Variants in UGT1A8 observed in about 807,000 individuals in gnomAD.
The protein encoded by UGT1A8 is UDP-glucuronosyltransferase 1A8.
Under a neutral mutation model 45.3 loss-of-function variants are expected in UGT1A8, and 39 were observed. The ratio of observed to expected loss-of-function variants is 0.86; its 90% confidence interval spans 0.67 to 1.12. The LOEUF is 1.12. Among genes scored for constraint, UGT1A8 ranks in the 50% most tolerant of loss-of-function variants. The pLI is 0.00. For synonymous variants in UGT1A8, 275 were observed against 249.2 expected (o/e 1.10, Z -0.97); for missense variants, 719 against 664.9 (o/e 1.08, Z -0.90).
intron 1 of UGT1A8, among the ~76,000 whole-genome samples, chr2:233,646,152 G>T (rs2073595892): frequency 6.6e-6 from 1 of 152,152 alleles, no homozygotes; most frequent in African/African-American, 2.4e-5. Context: ...GCTGTACTTT[G>T]GCTCCTTTTG....
intron 1 of UGT1A8, among the ~76,000 whole-genome samples, chr2:233,678,266 A>G (rs1195139142): frequency 6.6e-6 from 1 of 152,234 alleles, no homozygotes; most frequent in Admixed American, 6.5e-5. Flanking sequence ...GCATCACACA[A>G]TATACTCAGG....
intron 1 of UGT1A8, among the ~76,000 whole-genome samples, chr2:233,735,969 A>C (rs1327406953): frequency 2.0e-5 from 3 of 152,092 alleles, no homozygotes; most frequent in Admixed American, 2.0e-4. Context: ...AACTTTGGTG[A>C]ATCTGACAAT....
intron 1 of UGT1A8, chr2:233,713,823 G>A (rs2076349507): frequency 1.9e-6 from 3 of 1,613,920 alleles, no homozygotes; most frequent in African/African-American, 1.3e-5. Flanking sequence ...CTTCATTGGG[G>A]GCATCAACTG....
chr2:233,670,499 TTAA>T (rs1468548968), intron 1 of UGT1A8, among the ~76,000 whole-genome samples: 4 of 152,252 alleles, frequency 2.6e-5, no homozygotes, highest in African/African-American at 9.6e-5. Context: ...AAAAGTAGTC[TTAA>T]TAATTGGAAG....
intron 1 of UGT1A8, among the ~76,000 whole-genome samples, chr2:233,624,696 A>G (rs577872614): frequency 5.9e-5 from 9 of 152,080 alleles, no homozygotes; most frequent in African/African-American, 2.2e-4. Flanking sequence ...GGATTTTAGA[A>G]TAAGTTTGTT....
At chr2:233,757,102 G>A (rs1696403036) in intron 1 of UGT1A8, among the ~76,000 whole-genome samples, 2 of 151,258 alleles carry the variant, frequency 1.3e-5, no homozygotes, top group South Asian at 4.2e-4. Context: ...GAGGGAGGGG[G>A]CAAGCAGAAG....
intron 1 of UGT1A8, among the ~76,000 whole-genome samples, chr2:233,668,844 C>A (rs2074127709): frequency 6.6e-6 from 1 of 152,224 alleles, no homozygotes; most frequent in Non-Finnish European, 1.5e-5. Context: ...ATCCAGGATA[C>A]CGCATGACAT....
intron 1 of UGT1A8, among the ~76,000 whole-genome samples, chr2:233,748,498 T>G (rs1180536491): frequency 2.0e-5 from 3 of 151,812 alleles, no homozygotes; most frequent in Non-Finnish European, 4.4e-5. Flanking sequence ...TGTGATAATT[T>G]TTAGTGGTCC....
chr2:233,688,674 T>A (rs942176177), intron 1 of UGT1A8, among the ~76,000 whole-genome samples: 48 of 152,316 alleles, frequency 3.2e-4, no homozygotes, highest in African/African-American at 8.9e-4. Flanking sequence ...GGCTCTTTTT[T>A]AAAAAATTTA....
intron 1 of UGT1A8, chr2:233,744,083 G>T: frequency 2.3e-6 from 1 of 437,754 alleles, no homozygotes; most frequent in South Asian, 2.0e-5. Flanking sequence ...CGCATCCCAA[G>T]ATGCAGTGCT....
At chr2:233,671,700 A>G in intron 1 of UGT1A8, 2 of 552,150 alleles carry the variant, frequency 3.6e-6, no homozygotes, top group Non-Finnish European at 4.6e-6. Flanking sequence ...TCTGCCCCCA[A>G]GGCAAAGACC....
intron 1 of UGT1A8, chr2:233,672,305 G>T (rs1575415892): frequency 3.7e-6 from 6 of 1,613,752 alleles, no homozygotes; most frequent in Non-Finnish European, 5.1e-6. Context: ...TTTTCAAATT[G>T]CAGGAGTTTG....
chr2:233,683,323 T>A (rs2074628267), intron 1 of UGT1A8, among the ~76,000 whole-genome samples: 1 of 152,166 alleles, frequency 6.6e-6, no homozygotes, highest in Non-Finnish European at 1.5e-5. Flanking sequence ...TTTGACATGT[T>A]CTTTTAATAA....
intron 1 of UGT1A8, among the ~76,000 whole-genome samples, chr2:233,624,043 G>A (rs1253536951): frequency 6.6e-6 from 1 of 152,102 alleles, no homozygotes; most frequent in African/African-American, 2.4e-5. Flanking sequence ...ATAGTTCAGA[G>A]AATTCTTATC....
At chr2:233,693,222 A>G (rs1369651424) in intron 1 of UGT1A8, 1 of 1,614,126 alleles carries the variant, frequency 6.2e-7, no homozygotes, top group Non-Finnish European at 8.5e-7. Context: ...TCCAAATACT[A>G]CACAAGAAAA....
Position 233,772,387 on chromosome 2 carries a change from C to A in UGT1A8, c.1421C>A (p.Ala474Glu). 1.2e-6 allele frequency: 2 copies of A among 1,614,274 alleles called. No individual in the cohort carries two copies. Among genetic ancestry groups the A allele is most frequent in the Non-Finnish European group, 1.7e-6 (2 of 1,180,048 alleles). ...AAGGGCGCGCCACACCTGCGCCCCG[C>A]AGCCCACGACCTCACCTGGTACCAG... ...RHKGAPHLRP[A>E]AHDLTWYQYH... is the part of the protein sequence containing the mutation. Residue 474 changes from alanine to glutamate, a missense_variant, in exon 5 of 5, where the codon GCA (alanine) becomes GAA (glutamate). Transcript: ENST00000373450.
chr2:233,658,931 C>T, intron 1 of UGT1A8, among the ~76,000 whole-genome samples: 1 of 151,844 alleles, frequency 6.6e-6, no homozygotes, highest in South Asian at 2.1e-4. Flanking sequence ...TGTAGGTTTT[C>T]TACATTTCTG....
At chr2:233,705,835 G>A (rs1031136010) in intron 1 of UGT1A8, among the ~76,000 whole-genome samples, 34 of 152,260 alleles carry the variant, frequency 2.2e-4, no homozygotes, top group African/African-American at 7.7e-4. Flanking sequence ...CACAGTGGCT[G>A]GAGCTGAAGT....
Position 233,719,547 on chromosome 2 carries a change from GTGTCAGTGGTGGATCT to G in UGT1A8, c.856-47480_856-47465del. 3 of 1,613,900 alleles carry G rather than the reference GTGTCAGTGGTGGATCT, an allele frequency of 1.9e-6. No individual in the cohort carries two copies. The Middle Eastern group carries it at 5.0e-4, about 266-fold the overall frequency. The stretch of plus-strand genomic sequence containing the variant: ...TGCCTCTGAGCTTTTTCAGAGAGAG[GTGTCAGTGGTGGATCT>G]TGTCAGCTATGCATCCGTGTGGCTG... On this transcript the variant is annotated intron_variant, in intron 1 of 4. Coordinates refer to ENST00000373450, the MANE Select transcript of UGT1A8 (RefSeq NM_019076.5).
Sources: gnomAD v4.1 joint callset for allele counts (sites outside exome capture counted in the v4.1 genomes callset) on GRCh38, gnomAD v4.1.1 for gene constraint, MANE v1.5 for transcripts, NCBI Gene and HGNC (gene_info 2026-07-23, HGNC 2026-07-21) for gene names.